RBSN: variants seen among roughly 807,000 people sequenced by gnomAD.
RBSN encodes the protein rabenosyn-5.
In RBSN, 34 loss-of-function variants were observed where a neutral mutation model predicts 60.5. The observed-to-expected ratio is 0.56, with a 90% CI of 0.43 to 0.75. RBSN has a LOEUF of 0.75. Ranked by LOEUF, RBSN falls within the 30% of genes least tolerant of loss-of-function variation. The pLI is 0.00. For missense variants in RBSN, 845 were observed against 986.8 expected, an observed-to-expected ratio of 0.86 and a Z score of 1.92; for synonymous variants, 322 against 366.9, an observed-to-expected ratio of 0.88 and a Z score of 1.40.
chr3:15,082,444 A>C lies in RBSN; in HGVS notation c.763T>G (p.Cys255Gly). ...TCTCTCTTGAGCAGCGTGTCCTTGC[A>C]GTGTGTACAGCAGCGGATCCGGTCA... ...DDDRIRCCTH[C>G]KDTLLKREQQ... The change falls in exon 9 of 14, where the codon TGC becomes GGC. Residue 255 changes from cysteine (C) to glycine (G), a missense_variant. Coordinates refer to ENST00000253699, the MANE Select transcript of RBSN (RefSeq NM_022340.4). This position sits in a 1 kb window ranked among gnomAD's most constrained non-coding sequence, Gnocchi z 4.2. 1 of 1,614,102 alleles carries C rather than the reference A, an allele frequency of 6.2e-7. No homozygotes were observed. The highest frequency in any genetic ancestry group is 8.5e-7 in the Non-Finnish European group (1 of 1,180,004).
intron 4 of RBSN, among the ~76,000 whole-genome samples, chr3:15,094,898 T>C (rs9310466): frequency 6.6e-6 from 1 of 152,026 alleles, no homozygotes; most frequent in African/African-American, 2.4e-5. Flanking sequence ...AATAAAGACT[T>C]TGAATACAAC....
intron 10 of RBSN, 92 bp from the exon 11 acceptor site, chr3:15,078,253 A>T: frequency 1.3e-5 from 13 of 1,029,288 alleles, no homozygotes; most frequent in South Asian, 1.2e-4. Context: ...AGGCCTCACA[A>T]AGGCAGTTAA....
intron 10 of RBSN, among the ~76,000 whole-genome samples, chr3:15,079,973 G>C (rs907539215): frequency 6.6e-6 from 1 of 152,152 alleles, no homozygotes; most frequent in African/African-American, 2.4e-5. Flanking sequence ...GGCCAGACAC[G>C]GTGGCTCACG....
At position 15,094,466 on chromosome 3, in the gene RBSN, T is replaced by A. The variant is rs150001199; in HGVS notation, c.148+1507A>T. Among the ~76,000 whole-genome samples the A allele has an allele frequency of 1.5e-4, 23 of 152,332 alleles. No individual in the cohort carries two copies. The East Asian group carries it at 4.4e-3, about 29-fold the overall frequency. On this transcript the variant is annotated intron_variant, in intron 4 of 13. Coordinates refer to ENST00000253699, the MANE Select transcript of RBSN (RefSeq NM_022340.4). ...CTGCCAATTCCTGTGTGACCGTGGATAAGTAACTCAACATCTCTTGAGCCT... is the reference window on the plus strand; with the variant it reads ...CTGCCAATTCCTGTGTGACCGTGGAAAAGTAACTCAACATCTCTTGAGCCT...
At chr3:15,087,665 C>G (rs752429716) in intron 5 of RBSN, among the ~76,000 whole-genome samples, 4 of 152,206 alleles carry the variant, frequency 2.6e-5, no homozygotes, top group Non-Finnish European at 5.9e-5. Flanking sequence ...GTCGCCCAGA[C>G]TGGAATGCAG....
At position 15,090,470 on chromosome 3, in the gene RBSN, GACTCT is replaced by G; in HGVS notation, c.213_217del (p.Glu72ArgfsTer6). 1 of 1,614,216 alleles carries G rather than the reference GACTCT, an allele frequency of 6.2e-7. No homozygotes were observed. Among genetic ancestry groups the G allele is most frequent in the Non-Finnish European group, 8.5e-7 (1 of 1,180,044 alleles). On this transcript the variant is annotated frameshift_variant, in exon 5 of 14. Transcript: ENST00000253699. LOFTEE classifies it high-confidence loss of function. Reference sequence around the variant, plus strand: ...GAAAGACTCATATCCTTGGGTCCCTGACTCTGCTCGATCATCCCCTTCTCGTTTCA... The same window carrying G: ...GAAAGACTCATATCCTTGGGTCCCTGGCTCGATCATCCCCTTCTCGTTTCA...
chr3:15,098,597 C>T (rs527518947), intron 1 of RBSN, among the ~76,000 whole-genome samples: 3 of 152,090 alleles, frequency 2.0e-5, no homozygotes, highest in South Asian at 2.1e-4. Flanking sequence ...GCAACCACAA[C>T]CCACATAACT....
At chr3:15,079,726 A>G (rs1324035915) in intron 10 of RBSN, among the ~76,000 whole-genome samples, 1 of 152,246 alleles carries the variant, frequency 6.6e-6, no homozygotes, top group African/African-American at 2.4e-5. Context: ...TGTCAAAAGC[A>G]GACAAATCCA....
intron 8 of RBSN, among the ~76,000 whole-genome samples, chr3:15,083,831 T>G (rs2043268601): frequency 6.6e-6 from 1 of 152,162 alleles, no homozygotes; most frequent in South Asian, 2.1e-4. Flanking sequence ...CAAGACCCTC[T>G]TCTCAAAGTC....
intron 13 of RBSN, 127 bp from the exon 14 acceptor site, chr3:15,075,057 A>C: frequency 8.7e-7 from 1 of 1,146,396 alleles, no homozygotes; most frequent in Admixed American, 2.9e-5. Context: ...CTCAGGACAA[A>C]GATATCCAAC....
At chr3:15,080,874 TC>T in intron 9 of RBSN, 72 bp from the exon 10 acceptor site, 5 of 1,175,038 alleles carry the variant, frequency 4.3e-6, no homozygotes, top group Non-Finnish European at 5.1e-6. Context: ...CTAGGCTCCA[TC>T]AATGGAGCTA....
intron 5 of RBSN, among the ~76,000 whole-genome samples, chr3:15,088,505 G>A (rs1203305116): frequency 3.3e-5 from 5 of 151,624 alleles, no homozygotes; most frequent in East Asian, 1.9e-4. Context: ...TCAGCCTCCC[G>A]AGTAGCTGGA....
chr3:15,098,953 C>T (rs926061085), intron 1 of RBSN, 82 bp downstream of exon 1: 1 of 153,044 alleles, frequency 6.5e-6, no homozygotes, highest in African/African-American at 2.4e-5. Context: ...ACACCCACCA[C>T]AACCACACAC....
Position 15,084,658 on chromosome 3 carries a change from G to A in RBSN, c.598+77C>T, listed in dbSNP as rs1273596862. The A allele has an allele frequency of 9.5e-6, 14 of 1,480,104 alleles. No homozygotes were observed. Among genetic ancestry groups the A allele is most frequent in the Middle Eastern group, 1.8e-4 (1 of 5,410 alleles). 91.7% of individuals were successfully genotyped at this position (1,480,104 alleles called of 1,614,324 possible). ...CATTAATTTAACAAAAAGGTTCCAC[G>A]ATCCCAGTGGTAATTAGCAAATAAG... On this transcript the variant is annotated intron_variant, in intron 8 of 13. Transcript: ENST00000253699. The surrounding 1 kb of genome is among the most constrained non-coding windows in gnomAD (Gnocchi z 4.2).
chr3:15,095,739 A>C (rs2043638501), intron 4 of RBSN: 2 of 576,866 alleles, frequency 3.5e-6, no homozygotes, highest in South Asian at 4.8e-5. Context: ...CAAGTTATCT[A>C]ATCTCTCTGT....
rs1277519778 is a variant in RBSN at position 15,074,198 on chromosome 3, C to A, written c.1939G>T (p.Ala647Ser). The A allele has an allele frequency of 1.9e-6, 3 of 1,610,384 alleles. No homozygotes were observed. The highest frequency in any genetic ancestry group is 2.5e-6 in the Non-Finnish European group (3 of 1,177,864). ...MEEATTGPPAAGVSLDPSARI... is the reference protein window; with the variant it reads ...MEEATTGPPASGVSLDPSARI... ...GCTGAAGGGTCTAAGGAAACCCCTGCAGCAGGAGGACCAGTAGTGGCCTCT... is the reference window on the plus strand; with the variant it reads ...GCTGAAGGGTCTAAGGAAACCCCTGAAGCAGGAGGACCAGTAGTGGCCTCT... The change falls in exon 14 of 14, where the codon GCA becomes TCA. Residue 647 changes from alanine to serine, a missense_variant. Transcript: ENST00000253699. The surrounding 1 kb of genome is among the most constrained non-coding windows in gnomAD (Gnocchi z 6.4).
intron 5 of RBSN, 28 bp from the exon 6 acceptor site, chr3:15,085,989 A>T: frequency 6.3e-7 from 1 of 1,584,058 alleles, no homozygotes; most frequent in East Asian, 2.2e-5. Flanking sequence ...AGGGAGACAA[A>T]TGACTTATAG....
At chr3:15,098,029 C>T (rs904419948) in intron 2 of RBSN, 90 bp downstream of exon 2, 1 of 152,506 alleles carries the variant, frequency 6.6e-6, no homozygotes, top group Non-Finnish European at 1.5e-5. Context: ...CCACAAATAA[C>T]ACAAAGCCCA....
chr3:15,089,137 T>C (rs903982242), intron 5 of RBSN, among the ~76,000 whole-genome samples: 25 of 152,182 alleles, frequency 1.6e-4, no homozygotes, highest in African/African-American at 5.8e-4. Flanking sequence ...ACAGAAAATA[T>C]TTTATTATAT....
Sources: gnomAD v4.1 joint callset for allele counts (sites outside exome capture counted in the v4.1 genomes callset) on GRCh38, gnomAD v4.1.1 for gene constraint, Gnocchi (gnomAD v3.1) non-coding constraint, MANE v1.5 for transcripts, NCBI Gene and HGNC (gene_info 2026-07-23, HGNC 2026-07-21) for gene names.